The following SLC67A1 variants were observed in gnomAD, a reference collection of about 807,000 sequenced individuals.
SLC67A1 encodes solute carrier family 67 member 1.
the SLC67A1 span, chr11:2,921,848 G>A: frequency 9.5e-6 from 5 of 527,360 alleles, no homozygotes; most frequent in East Asian, 3.0e-5. Context: ...TGTCCCTGGT[G>A]TGGGCCTTTC....
At chr11:2,906,937 G>C in the SLC67A1 span, among the ~76,000 whole-genome samples, 2 of 151,942 alleles carry the variant, frequency 1.3e-5, no homozygotes, top group Non-Finnish European at 2.9e-5. Context: ...CGCTGGGGAG[G>C]GGAGGGATGG....
chr11:2,915,209 A>G, the SLC67A1 span: 1 of 985,364 alleles, frequency 1.0e-6, no homozygotes, highest in Non-Finnish European at 1.2e-6. Context: ...TGACTGTCCT[A>G]GTCAGTGTGG....
the SLC67A1 span, among the ~76,000 whole-genome samples, chr11:2,907,252 A>G: frequency 6.6e-6 from 1 of 152,174 alleles, no homozygotes. This position sits in a 1 kb window ranked among gnomAD's most constrained non-coding sequence, Gnocchi z 6.7. Flanking sequence ...TGGGGCTGCC[A>G]TAACAAAGTA....
the SLC67A1 span, among the ~76,000 whole-genome samples, chr11:2,913,014 A>G: frequency 1.3e-5 from 2 of 152,074 alleles, 1 homozygote; most frequent in South Asian, 4.1e-4. Context: ...AGGGGAGGTG[A>G]GCAGTGTCCC....
the SLC67A1 span, chr11:2,909,366 G>A: frequency 7.3e-7 from 1 of 1,363,998 alleles, no homozygotes; most frequent in African/African-American, 3.4e-5. Context: ...GGTAGGGCCG[G>A]GGGGACTGGA....
chr11:2,924,491 C>T, the SLC67A1 span, among the ~76,000 whole-genome samples: 5 of 152,186 alleles, frequency 3.3e-5, no homozygotes, highest in Admixed American at 2.6e-4. The surrounding 1 kb of genome is among the most constrained non-coding windows in gnomAD (Gnocchi z 8.6). Flanking sequence ...TTAGCCTCCC[C>T]ACTGCATCAC....
chr11:2,915,679 T>C, the SLC67A1 span, among the ~76,000 whole-genome samples: 1 of 152,188 alleles, frequency 6.6e-6, no homozygotes, highest in Non-Finnish European at 1.5e-5. Context: ...GAAGGGCCCT[T>C]GCAGGCTGTA....
chr11:2,901,079 G>A, the SLC67A1 span, among the ~76,000 whole-genome samples: 8 of 152,338 alleles, frequency 5.3e-5, no homozygotes, highest in Admixed American at 2.0e-4. Context: ...TGGGGAAAAT[G>A]GATTCCAGTT....
chr11:2,900,505 A>G, the SLC67A1 span, among the ~76,000 whole-genome samples: 3 of 151,980 alleles, frequency 2.0e-5, no homozygotes, highest in African/African-American at 7.3e-5. Context: ...CATCCTGGCT[A>G]ACACGGTGAA....
At chr11:2,900,671 T>A in the SLC67A1 span, among the ~76,000 whole-genome samples, 3 of 111,448 alleles carry the variant, frequency 2.7e-5, no homozygotes, top group African/African-American at 7.0e-5. Context: ...TCAGCCTGGG[T>A]GACAGAGCAA....
the SLC67A1 span, chr11:2,921,552 A>G: frequency 0.024 from 3,632 of 151,696 alleles, 109 homozygotes; most frequent in African/African-American, 0.097. Context: ...GCCTGCGGCC[A>G]AGCCTGTCCC....
the SLC67A1 span, chr11:2,918,214 G>A: frequency 1.4e-6 from 1 of 736,674 alleles, no homozygotes; most frequent in South Asian, 1.8e-5. Context: ...GGTAGAGCAG[G>A]CAGGAGCGGG....
At chr11:2,914,446 A>G in the SLC67A1 span, among the ~76,000 whole-genome samples, 1 of 151,270 alleles carries the variant, frequency 6.6e-6, no homozygotes, top group African/African-American at 2.4e-5. Flanking sequence ...TTTCCTTCCC[A>G]CTCCCGTTTC....
the SLC67A1 span, chr11:2,925,156 T>TGGAGGAAACCTATGCCCC: frequency 6.2e-7 from 1 of 1,613,792 alleles, no homozygotes; most frequent in Non-Finnish European, 8.5e-7. The surrounding 1 kb of genome is among the most constrained non-coding windows in gnomAD (Gnocchi z 6.5). Context: ...CCTGGTCCTC[T>TGGAGGAAACCTATGCCCC]GGAGGAAACC....
chr11:2,924,890 C>T, the SLC67A1 span: 13 of 832,260 alleles, frequency 1.6e-5, 1 homozygote, highest in Admixed American at 1.0e-4. This position sits in a 1 kb window ranked among gnomAD's most constrained non-coding sequence, Gnocchi z 8.6. Flanking sequence ...ATGCAAGGTG[C>T]GGACTGCGCC....
At chr11:2,900,416 GGC>G in the SLC67A1 span, among the ~76,000 whole-genome samples, 1 of 152,098 alleles carries the variant, frequency 6.6e-6, no homozygotes, top group African/African-American at 2.4e-5. Context: ...AAACAGGCTG[GGC>G]GCGGTGGCTC....
chr11:2,908,263 A>C, the SLC67A1 span: 1 of 1,613,520 alleles, frequency 6.2e-7, no homozygotes, highest in East Asian at 2.2e-5. Flanking sequence ...CCTGGATTCC[A>C]TTGCCTTCGG....
At chr11:2,908,609 G>A in the SLC67A1 span, among the ~76,000 whole-genome samples, 5 of 152,176 alleles carry the variant, frequency 3.3e-5, no homozygotes, top group South Asian at 2.1e-4. Flanking sequence ...TAGGCCTGCC[G>A]AGACCAGGCA....
the SLC67A1 span, chr11:2,925,057 C>G: frequency 6.2e-7 from 1 of 1,613,710 alleles, no homozygotes; most frequent in Non-Finnish European, 8.5e-7. This position sits in a 1 kb window ranked among gnomAD's most constrained non-coding sequence, Gnocchi z 6.5. Context: ...GCTCCGAACT[C>G]TGGGACCCAC....
Sources: gnomAD v4.1 joint callset for allele counts (sites outside exome capture counted in the v4.1 genomes callset) on GRCh38, gnomAD v4.1.1 for gene constraint, Gnocchi (gnomAD v3.1) non-coding constraint, MANE v1.5 for transcripts, NCBI Gene and HGNC (gene_info 2026-07-23, HGNC 2026-07-21) for gene names.